COLEC12: variants seen among roughly 807,000 people sequenced by gnomAD.
COLEC12 encodes collectin subfamily member 12.
A neutral mutation model predicts 71.1 loss-of-function variants in COLEC12; 33 were observed. The observed-to-expected ratio is 0.46, with a 90% CI of 0.35 to 0.62. The LOEUF is 0.62. Ranked by LOEUF, COLEC12 falls within the 20% of genes least tolerant of loss-of-function variation. COLEC12 has a pLI of 0.00. For synonymous variants in COLEC12, 350 were observed against 353.0 expected (o/e 0.99, Z 0.10); for missense variants, 765 against 916.1 (o/e 0.84, Z 2.13).
intron 2 of COLEC12, among the ~76,000 whole-genome samples, chr18:453,155 C>A (rs1916795064): frequency 6.6e-6 from 1 of 152,186 alleles, no homozygotes; most frequent in Admixed American, 6.5e-5. Flanking sequence ...TAAGATGTGT[C>A]AGTGAACTTA....
chr18:466,183 T>C (rs975110013), intron 2 of COLEC12, among the ~76,000 whole-genome samples: 2 of 152,132 alleles, frequency 1.3e-5, no homozygotes, highest in Non-Finnish European at 2.9e-5. Flanking sequence ...GAGGTTGCAG[T>C]GAGCTGAGAT....
At chr18:397,579 C>G (rs1409254742) in intron 2 of COLEC12, among the ~76,000 whole-genome samples, 3 of 152,078 alleles carry the variant, frequency 2.0e-5, no homozygotes, top group African/African-American at 7.2e-5. Context: ...TGGCAAAGAG[C>G]TTTTGGGAAG....
chr18:479,097 A>G (rs1567920683), intron 2 of COLEC12, among the ~76,000 whole-genome samples: 1 of 152,122 alleles, frequency 6.6e-6, no homozygotes, highest in Admixed American at 6.5e-5. Flanking sequence ...CCTTATTTTG[A>G]CAAGTTTGGT....
At chr18:329,934 G>A (rs184517607) in intron 8 of COLEC12, among the ~76,000 whole-genome samples, 180 of 152,120 alleles carry the variant, frequency 1.2e-3, no homozygotes, top group Non-Finnish European at 2.8e-4. Context: ...AAAATTAGCC[G>A]GGTGTGGTGA....
At chr18:419,220 G>T (rs1050764331) in intron 2 of COLEC12, among the ~76,000 whole-genome samples, 12 of 142,504 alleles carry the variant, frequency 8.4e-5, no homozygotes, top group African/African-American at 3.0e-4. Context: ...TCTAATTTTT[G>T]AGATGGAGTC....
intron 2 of COLEC12, among the ~76,000 whole-genome samples, chr18:394,946 A>C (rs4798130): frequency 0.51 from 76,860 of 152,096 alleles, 21,419 homozygotes; most frequent in Admixed American, 0.62. Context: ...AACAAAAAAA[A>C]CACCTGGTAT....
At chr18:422,446 T>A (rs1301244942) in intron 2 of COLEC12, among the ~76,000 whole-genome samples, 1 of 152,186 alleles carries the variant, frequency 6.6e-6, no homozygotes, top group Non-Finnish European at 1.5e-5. Context: ...CCCCTATTTG[T>A]TAAACATTGA....
intron 8 of COLEC12, among the ~76,000 whole-genome samples, chr18:326,565 T>C (rs951179010): frequency 6.6e-5 from 10 of 152,222 alleles, no homozygotes; most frequent in African/African-American, 2.4e-5. Context: ...GCCTGGATGG[T>C]CTCGAACTCT....
intron 3 of COLEC12, among the ~76,000 whole-genome samples, chr18:352,758 A>C (rs1220868606): frequency 1.3e-5 from 2 of 152,160 alleles, no homozygotes; most frequent in Admixed American, 6.5e-5. Context: ...ACTTTCATTG[A>C]CTTTTATTCT....
At chr18:418,968 G>C (rs1010940967) in intron 2 of COLEC12, among the ~76,000 whole-genome samples, 2 of 152,158 alleles carry the variant, frequency 1.3e-5, no homozygotes, top group Non-Finnish European at 2.9e-5. Flanking sequence ...GTCTGGATCA[G>C]GACCCCTTTC....
chr18:475,623 C>A (rs1917289474), intron 2 of COLEC12, among the ~76,000 whole-genome samples: 1 of 152,186 alleles, frequency 6.6e-6, no homozygotes, highest in African/African-American at 2.4e-5. Flanking sequence ...CTCTTCCAAT[C>A]TCTTGGCATT....
At chr18:366,855 G>A (rs1914867052) in intron 2 of COLEC12, among the ~76,000 whole-genome samples, 1 of 152,198 alleles carries the variant, frequency 6.6e-6, no homozygotes, top group South Asian at 2.1e-4. Flanking sequence ...TCCTGGGAGA[G>A]GGGCACAGCT....
chr18:351,765 AGGGT>A (rs1290482382), intron 3 of COLEC12, among the ~76,000 whole-genome samples: 3 of 152,168 alleles, frequency 2.0e-5, no homozygotes, highest in African/African-American at 7.2e-5. Context: ...TTTAAGTTTT[AGGGT>A]ACATGTGCAC....
intron 2 of COLEC12, among the ~76,000 whole-genome samples, chr18:471,696 CTT>C (rs909779936): frequency 1.3e-5 from 2 of 150,786 alleles, no homozygotes; most frequent in Admixed American, 6.6e-5. Flanking sequence ...TTTTGTATAA[CTT>C]AGTATTACAT....
At chr18:435,754 A>C (rs1916391431) in intron 2 of COLEC12, among the ~76,000 whole-genome samples, 1 of 152,236 alleles carries the variant, frequency 6.6e-6, no homozygotes, top group African/African-American at 2.4e-5. Context: ...CATTATATTG[A>C]GTAGCCTTTT....
intron 2 of COLEC12, among the ~76,000 whole-genome samples, chr18:469,766 G>A (rs1257008441): frequency 2.6e-5 from 4 of 152,108 alleles, no homozygotes; most frequent in African/African-American, 4.8e-5. Flanking sequence ...AGCACAAAGT[G>A]GGAGCTTCTG....
At chr18:435,769 A>G (rs866611374) in intron 2 of COLEC12, among the ~76,000 whole-genome samples, 1 of 152,230 alleles carries the variant, frequency 6.6e-6, no homozygotes, top group Non-Finnish European at 1.5e-5. Context: ...CCTTTTACAC[A>G]TAAGTTGAAG....
chr18:433,252 G>A (rs1272321643), intron 2 of COLEC12, among the ~76,000 whole-genome samples: 1 of 152,072 alleles, frequency 6.6e-6, no homozygotes, highest in Admixed American at 6.6e-5. Context: ...AGGGAAAAAA[G>A]GATCAAGTCA....
intron 2 of COLEC12, among the ~76,000 whole-genome samples, chr18:470,550 C>T (rs1397152692): frequency 6.6e-6 from 1 of 151,816 alleles, no homozygotes; most frequent in Non-Finnish European, 1.5e-5. Context: ...AATTTAAGAC[C>T]AGCCTGGGCA....
Sources: allele counts gnomAD v4.1 joint callset (sites outside exome capture counted in the v4.1 genomes callset), GRCh38; gene constraint gnomAD v4.1.1; transcripts MANE v1.5; gene names NCBI Gene and HGNC (gene_info 2026-07-23, HGNC 2026-07-21).